The following NRP1 variants were observed in gnomAD, a reference collection of about 807,000 sequenced individuals.
NRP1 encodes neuropilin-1.
Under a neutral mutation model 106.7 loss-of-function variants are expected in NRP1, and 35 were observed. The ratio of observed to expected loss-of-function variants is 0.33; its 90% CI spans 0.25 to 0.43. The LOEUF (loss-of-function observed/expected upper bound fraction) is 0.43, where lower values mean the gene tolerates loss of function less well. NRP1 is among the 20% of genes least tolerant of loss of function. The pLI is 1.00. For synonymous variants in NRP1, 437 were observed against 417.9 expected (o/e 1.05, Z -0.56); for missense variants, 1,024 against 1,170.4 (o/e 0.87, Z 1.83).
At chr10:33,304,778 C>T (rs1192127514) in intron 2 of NRP1, among the ~76,000 whole-genome samples, 3 of 152,214 alleles carry the variant, frequency 2.0e-5, no homozygotes, top group African/African-American at 7.2e-5. Context: ...TGGCACTCCT[C>T]ACAGATGGCA....
In NRP1 at chr10:33,266,280, C is replaced by T. The variant is rs76607541; in HGVS notation, c.431-2407G>A. On this transcript the variant is annotated intron_variant, in intron 3 of 16. Transcript: ENST00000374867. ...TGATCCCAGGTTTTCTTGTGTATTT[C>T]GACAAAACATGGGGACATTCCATGG... 3.7e-3 allele frequency among the ~76,000 whole-genome samples: 562 copies of T among 152,196 alleles called. 2 individuals carry two copies. The highest frequency in any genetic ancestry group is 0.013 in the African/African-American group (539 of 41,530).
chr10:33,185,800 TC>T, intron 14 of NRP1, 76 bp from the exon 15 acceptor site: 1 of 1,235,692 alleles, frequency 8.1e-7, no homozygotes, highest in Non-Finnish European at 1.2e-6. Context: ...CTTGTTCAGC[TC>T]CAGCTACGGC....
chr10:33,203,024 C>G (rs1424997265), intron 10 of NRP1, 29 bp from the exon 11 acceptor site: 2 of 1,585,258 alleles, frequency 1.3e-6, no homozygotes, highest in African/African-American at 1.3e-5. Context: ...ATTATTATCT[C>G]ACACCTTGGA....
intron 11 of NRP1, among the ~76,000 whole-genome samples, chr10:33,199,360 CTG>C (rs1190970811): frequency 1.2e-5 from 1 of 81,942 alleles, no homozygotes; most frequent in Non-Finnish European, 2.2e-5. Flanking sequence ...CCATGCCTGG[CTG>C]TTTTCTATAT....
chr10:33,239,400 G>A (rs373370746), intron 6 of NRP1, among the ~76,000 whole-genome samples: 140 of 152,300 alleles, frequency 9.2e-4, no homozygotes, highest in African/African-American at 3.3e-3. Context: ...TCGATGTTAT[G>A]TAAGTCTGGC....
chr10:33,331,885 A>G (rs1848309583), intron 1 of NRP1, among the ~76,000 whole-genome samples: 1 of 152,244 alleles, frequency 6.6e-6, no homozygotes, highest in African/African-American at 2.4e-5. Flanking sequence ...TGCATAAACT[A>G]TATAAGAGAA....
At chr10:33,255,924 C>T (rs1285792715) in intron 5 of NRP1, among the ~76,000 whole-genome samples, 1 of 152,202 alleles carries the variant, frequency 6.6e-6, no homozygotes, top group Non-Finnish European at 1.5e-5. Flanking sequence ...TACTTCGTGA[C>T]TGCTCTGTCG....
chr10:33,208,991 G>C (rs899652259), intron 9 of NRP1, among the ~76,000 whole-genome samples: 4 of 133,784 alleles, frequency 3.0e-5, no homozygotes, highest in African/African-American at 1.1e-4. Flanking sequence ...ACTGCAACCT[G>C]TGCCTCTTGG....
chr10:33,203,722 CTTTTTTTTTTTTTT>C (rs34343692), intron 10 of NRP1, among the ~76,000 whole-genome samples: 1 of 68,134 alleles, frequency 1.5e-5, no homozygotes, highest in African/African-American at 7.0e-5. Context: ...TCAAAGACTG[CTTTTTTTTTTTTTT>C]TTTTTTTTTT....
rs61760411 is a variant in NRP1, at chr10:33,263,546, G to T, written c.658+100C>A. 520 of 812,178 alleles carry T rather than the reference G, an allele frequency of 6.4e-4. 2 individuals carry two copies. In the African/African-American group the frequency reaches 8.4e-3, roughly 13 times the overall value. 50.3% of individuals were successfully genotyped at this position (812,178 alleles called of 1,614,324 possible). A position where few individuals can be genotyped will look rare whatever the true frequency, so the allele number is the denominator to read the frequency against. ...GCTTTGTTTTCCAGTGTCCTTTTGA[G>T]GTTTTTTTTAATGATTCATGTATCA... is the stretch of plus-strand genomic sequence containing the variant. On this transcript the variant is annotated intron_variant, in intron 4 of 16. Transcript: ENST00000374867.
chr10:33,219,567 C>T (rs761466344), intron 8 of NRP1, among the ~76,000 whole-genome samples: 6 of 152,160 alleles, frequency 3.9e-5, no homozygotes, highest in Non-Finnish European at 8.8e-5. Flanking sequence ...TTAGGATATG[C>T]TATTTTAGAC....
chr10:33,333,471 G>C (rs1390414443), intron 1 of NRP1, among the ~76,000 whole-genome samples: 1 of 152,126 alleles, frequency 6.6e-6, no homozygotes, highest in Non-Finnish European at 1.5e-5. Context: ...TACTGTGATT[G>C]AAATCTAAGC....
chr10:33,192,055 G>A (rs1836454042), intron 13 of NRP1, among the ~76,000 whole-genome samples: 1 of 151,546 alleles, frequency 6.6e-6, no homozygotes, highest in Non-Finnish European at 1.5e-5. Flanking sequence ...TTTTCAAGGA[G>A]GCCAATCAGT....
At position 33,200,952 on chromosome 10, in the gene NRP1, C is replaced by A. The variant is rs1047789867; in HGVS notation, c.1864+1939G>T. On this transcript the variant is annotated intron_variant, in intron 11 of 16. Transcript: ENST00000374867. ...GGGCAGGCCTTATCAACATCCTCAG[C>A]GGTTCTTAGTATATGAGAGTATTTA... 12 of 152,234 alleles carry A rather than the reference C, an allele frequency of 7.9e-5. No individual in the cohort carries two copies. The South Asian group carries it at 8.3e-4, about 11-fold the overall frequency. 9.4% of individuals were successfully genotyped at this position (152,234 alleles called of 1,614,324 possible).
At chr10:33,244,106 A>G (rs998085502) in intron 6 of NRP1, among the ~76,000 whole-genome samples, 1 of 152,120 alleles carries the variant, frequency 6.6e-6, no homozygotes, top group African/African-American at 2.4e-5. Flanking sequence ...ATCCTCATCC[A>G]CACCAGGGCT....
chr10:33,213,472 C>T lies in NRP1; in HGVS notation c.1528G>A (p.Val510Met). 4 of 1,614,076 alleles carry T rather than the reference C, an allele frequency of 2.5e-6. No homozygotes were observed. Among genetic ancestry groups the T allele is most frequent in the Middle Eastern group, 1.6e-4 (1 of 6,062 alleles). The change falls in exon 9 of 17, where the codon GTG (valine) becomes ATG (methionine). Residue 510 changes from valine (V) to methionine (M), a missense_variant. Val to Met is a conservative substitution (Grantham distance 21). Transcript: ENST00000374867. ...IQGGKHRENK[V>M]FMRKFKIGYS... ...CCGATCTTGAACTTCCTCATGAACA[C>T]CTTGTTCTCTCGGTGCTTCCCACCC...
In NRP1 at chr10:33,326,089, G is replaced by C. The variant is rs183021892; in HGVS notation, c.248+4619C>G. On this transcript the variant is annotated intron_variant, in intron 2 of 16. Coordinates refer to ENST00000374867, the MANE Select transcript of NRP1 (RefSeq NM_003873.7). ...CTCCCCGGATGGTGACATCTGATCT[G>C]AATGTAACCATACACCTCTTTGCTC... 2.6e-4 allele frequency among the ~76,000 whole-genome samples: 39 copies of C among 152,254 alleles called. 1 individual carries two copies. The East Asian group carries it at 6.4e-3, about 25-fold the overall frequency.
At chr10:33,233,767 G>A (rs1840344203) in intron 6 of NRP1, among the ~76,000 whole-genome samples, 1 of 152,190 alleles carries the variant, frequency 6.6e-6, no homozygotes. Context: ...TTTTGAGGGG[G>A]AGACTGTCGG....
chr10:33,253,836 T>C (rs779062125), intron 6 of NRP1, among the ~76,000 whole-genome samples, 192 bp downstream of exon 6: 1 of 152,248 alleles, frequency 6.6e-6, no homozygotes, highest in South Asian at 2.1e-4. Context: ...CGTGTAGCGA[T>C]GGGCTCATTT....
Sources: gnomAD v4.1 joint callset for allele counts (sites outside exome capture counted in the v4.1 genomes callset) on GRCh38, gnomAD v4.1.1 for gene constraint, MANE v1.5 for transcripts, NCBI Gene and HGNC (gene_info 2026-07-23, HGNC 2026-07-21) for gene names.